Variants in TMEM132D observed in about 807,000 individuals in gnomAD.
The protein encoded by TMEM132D is mature OL transmembrane protein.
A neutral mutation model predicts 62.3 loss-of-function variants in TMEM132D; 21 were observed. The ratio of observed to expected loss-of-function variants is 0.34; its 90% confidence interval spans 0.24 to 0.49. The LOEUF (loss-of-function observed/expected upper bound fraction) is 0.49, where lower values mean the gene tolerates loss of function less well. Among genes scored for constraint, TMEM132D ranks in the 20% least tolerant of loss-of-function variants. TMEM132D has a pLI of 0.99. For missense variants in TMEM132D, 1,346 were observed against 1,402.8 expected (o/e 0.96, Z 0.65); for synonymous variants, 621 against 575.6 (o/e 1.08, Z -1.13).
chr12:129,669,818 C>T (rs1033070421), intron 2 of TMEM132D, among the ~76,000 whole-genome samples: 13 of 152,208 alleles, frequency 8.5e-5, no homozygotes, highest in Admixed American at 2.0e-4. Flanking sequence ...TTATTTACTA[C>T]ATTATTTACA....
chr12:129,357,582 G>T (rs1054601334), intron 3 of TMEM132D, among the ~76,000 whole-genome samples: 1 of 151,280 alleles, frequency 6.6e-6, no homozygotes, highest in African/African-American at 2.4e-5. Flanking sequence ...TGCAAGGAAG[G>T]GAGAAAGAAA....
At chr12:129,432,079 T>G (rs1372595897) in intron 3 of TMEM132D, among the ~76,000 whole-genome samples, 1 of 152,210 alleles carries the variant, frequency 6.6e-6, no homozygotes, top group Non-Finnish European at 1.5e-5. Flanking sequence ...TAGACTCTTA[T>G]CACTATAATT....
intron 4 of TMEM132D, among the ~76,000 whole-genome samples, chr12:129,271,282 G>A (rs184657471): frequency 2.7e-5 from 4 of 149,766 alleles, no homozygotes; most frequent in Admixed American, 6.6e-5. Context: ...TCTCAGCTTC[G>A]TAACACCAAA....
intron 1 of TMEM132D, among the ~76,000 whole-genome samples, chr12:129,790,522 C>A (rs1466719863): frequency 6.6e-6 from 1 of 152,182 alleles, no homozygotes; most frequent in East Asian, 1.9e-4. Context: ...CACCATCAAG[C>A]CGTCCCTCTG....
At chr12:129,243,373 A>T (rs1879985902) in intron 4 of TMEM132D, among the ~76,000 whole-genome samples, 1 of 152,024 alleles carries the variant, frequency 6.6e-6, no homozygotes, top group Non-Finnish European at 1.5e-5. Flanking sequence ...TATTATTATT[A>T]TTTTTACTAT....
intron 1 of TMEM132D, among the ~76,000 whole-genome samples, chr12:129,822,083 G>A (rs1872554348): frequency 6.6e-6 from 1 of 152,162 alleles, no homozygotes; most frequent in African/African-American, 2.4e-5. Context: ...GAGACAATCT[G>A]AGACACACGC....
intron 3 of TMEM132D, among the ~76,000 whole-genome samples, chr12:129,469,367 G>A (rs1458396480): frequency 1.3e-5 from 2 of 152,262 alleles, no homozygotes; most frequent in East Asian, 1.9e-4. Context: ...TGCCCCCCGT[G>A]TCACCTGGGA....
intron 1 of TMEM132D, among the ~76,000 whole-genome samples, chr12:129,834,698 G>A (rs769197400): frequency 2.5e-4 from 38 of 152,138 alleles, no homozygotes; most frequent in Admixed American, 7.9e-4. Flanking sequence ...AGGGCTCACA[G>A]TGCAGACCCA....
rs749246298 is a variant in TMEM132D at position 129,074,153 on chromosome 12, A to G, written c.3022T>C (p.Ser1008Pro). Residue 1008 changes from serine to proline, a missense_variant, in exon 9 of 9, where the codon TCC (serine) becomes CCC (proline). Physicochemically the swap from Ser to Pro is moderately conservative, Grantham distance 74 (BLOSUM62 -1). Coordinates refer to ENST00000422113, the MANE Select transcript of TMEM132D (RefSeq NM_133448.3). ...EESKYLLSTN[S>P]QKSINGQLFK... ...AGCTGCCCATTGATGCTTTTTTGGGAGTTTGTGCTGAGGAGATATTTACTT... is the reference window on the plus strand; with the variant it reads ...AGCTGCCCATTGATGCTTTTTTGGGGGTTTGTGCTGAGGAGATATTTACTT... The G allele has an allele frequency of 3.2e-5, 52 of 1,613,374 alleles. No homozygotes were observed. Among genetic ancestry groups the G allele is most frequent in the Non-Finnish European group, 4.3e-5 (51 of 1,179,904 alleles).
intron 4 of TMEM132D, among the ~76,000 whole-genome samples, chr12:129,210,423 TC>T (rs1879003965): frequency 1.3e-5 from 2 of 151,950 alleles, no homozygotes; most frequent in Non-Finnish European, 2.9e-5. Flanking sequence ...CACTCCCACA[TC>T]CCCACTGATG....
intron 4 of TMEM132D, among the ~76,000 whole-genome samples, chr12:129,316,538 T>G (rs1868492755): frequency 6.6e-6 from 1 of 152,156 alleles, no homozygotes; most frequent in Non-Finnish European, 1.5e-5. Context: ...TTTTCTTAAA[T>G]TTATTGAGGC....
Position 129,074,457 on chromosome 12 carries a change from A to C in TMEM132D, c.2718T>G (p.Leu906=). 1.9e-6 allele frequency: 3 copies of C among 1,614,128 alleles called. No homozygotes were observed. The highest frequency in any genetic ancestry group is 2.5e-6 in the Non-Finnish European group (3 of 1,180,036). ...CGCTCAGCCCTTTGGATGCCTGCAT[A>C]AGGTCATTCCCATCCATTTCCCCAT... ...RSNGEMDGND[L]MQASKGLSDL... is the part of the protein sequence containing the mutation. The change falls in exon 9 of 9, where the codon CTT becomes CTG. Residue 906 remains leucine (L), a synonymous_variant. Transcript: ENST00000422113.
At chr12:129,563,822 A>T (rs575180811) in intron 2 of TMEM132D, among the ~76,000 whole-genome samples, 36 of 152,272 alleles carry the variant, frequency 2.4e-4, no homozygotes, top group African/African-American at 7.2e-4. Context: ...AATAATATTT[A>T]AAAAATACTG....
chr12:129,334,077 C>T (rs113344443), intron 4 of TMEM132D, among the ~76,000 whole-genome samples: 4,236 of 152,086 alleles, frequency 0.028, 79 homozygotes, highest in South Asian at 0.046. Context: ...GCTGAGATCA[C>T]GCCACTGCAC....
intron 2 of TMEM132D, among the ~76,000 whole-genome samples, chr12:129,678,106 T>C (rs570637695): frequency 6.9e-6 from 1 of 143,908 alleles, no homozygotes; most frequent in South Asian, 2.2e-4. Flanking sequence ...TCAGTATTTG[T>C]TGATATAAAC....
chr12:129,330,504 GTGGATGTGAATTAATCCATTCA>G (rs1165103573), intron 4 of TMEM132D, among the ~76,000 whole-genome samples: 1 of 152,172 alleles, frequency 6.6e-6, no homozygotes, highest in Non-Finnish European at 1.5e-5. Flanking sequence ...TAATCCATTC[GTGGATGTGAATTAATCCATTCA>G]TGGATGTGAA....
At chr12:129,351,521 G>T (rs1370629072) in intron 3 of TMEM132D, among the ~76,000 whole-genome samples, 1 of 152,174 alleles carries the variant, frequency 6.6e-6, no homozygotes, top group East Asian at 1.9e-4. Flanking sequence ...GAGGGAACTT[G>T]TGCTTTGATC....
chr12:129,549,169 GT>G (rs755979889), intron 2 of TMEM132D, among the ~76,000 whole-genome samples: 15 of 151,854 alleles, frequency 9.9e-5, no homozygotes, highest in Admixed American at 9.2e-4. Context: ...CCCCCCTACT[GT>G]TCTCGTGGTA....
At position 129,780,872 on chromosome 12, in the gene TMEM132D, C is replaced by G. The variant is rs186876830; in HGVS notation, c.80-80174G>C. Among the ~76,000 whole-genome samples, 419 of 152,276 alleles carry G rather than the reference C, an allele frequency of 2.8e-3. 4 individuals carry two copies. Among genetic ancestry groups the G allele is most frequent in the African/African-American group, 9.7e-3 (404 of 41,550 alleles). The stretch of plus-strand genomic sequence containing the variant: ...AATAACCATGTTTCTGGGGAGACAG[C>G]TGATTAACACGGAACTTAGCAGTAT... On this transcript the variant is annotated intron_variant, in intron 1 of 8. Transcript: ENST00000422113.
Sources: allele counts gnomAD v4.1 joint callset (sites outside exome capture counted in the v4.1 genomes callset), GRCh38; gene constraint gnomAD v4.1.1; transcripts MANE v1.5; gene names NCBI Gene and HGNC (gene_info 2026-07-23, HGNC 2026-07-21).